The following NCKAP5 variants were observed in gnomAD, a reference collection of about 807,000 sequenced individuals.
NCKAP5 encodes NCK associated protein 5.
NCKAP5 carries 92 observed loss-of-function variants against 167.0 expected under a neutral mutation model. That is an observed-to-expected ratio of 0.55 (90% CI 0.47 to 0.66). NCKAP5 has a LOEUF of 0.66. Among genes scored for constraint, NCKAP5 ranks in the 30% least tolerant of loss-of-function variants. The probability of loss-of-function intolerance (pLI) is 0.00; values close to 1 mark genes in which losing one functional copy is unlikely to be tolerated. For missense variants in NCKAP5, 2,378 were observed against 2,315.0 expected (o/e 1.03, Z -0.56); for synonymous variants, 891 against 877.4 (o/e 1.02, Z -0.27).
intron 16 of NCKAP5, among the ~76,000 whole-genome samples, chr2:132,767,060 T>C (rs1191554870): frequency 6.6e-6 from 1 of 152,090 alleles, no homozygotes; most frequent in Non-Finnish European, 1.5e-5. Flanking sequence ...TTCCTAGCCT[T>C]AATGCAGGCT....
chr2:133,577,956 C>T, the NCKAP5 span, among the ~76,000 whole-genome samples: 1 of 152,188 alleles, frequency 6.6e-6, no homozygotes, highest in Non-Finnish European at 1.5e-5. Flanking sequence ...CCTAAGACGA[C>T]CCAGCTCCAG....
chr2:133,180,240 G>A (rs754342005), intron 5 of NCKAP5, among the ~76,000 whole-genome samples: 1 of 152,086 alleles, frequency 6.6e-6, no homozygotes, highest in Non-Finnish European at 1.5e-5. Context: ...TAATGAAGGA[G>A]AAATCAAGAC....
At chr2:133,145,951 T>G (rs1220197812) in intron 5 of NCKAP5, among the ~76,000 whole-genome samples, 1 of 152,146 alleles carries the variant, frequency 6.6e-6, no homozygotes, top group Non-Finnish European at 1.5e-5. Flanking sequence ...CTTTATTAAA[T>G]TAGACAGCCA....
chr2:133,284,000 CA>C (rs1403435510), intron 4 of NCKAP5, among the ~76,000 whole-genome samples: 1 of 152,052 alleles, frequency 6.6e-6, no homozygotes, highest in African/African-American at 2.4e-5. Flanking sequence ...GTGGCAGACT[CA>C]AGAACTTGTA....
chr2:133,243,861 A>G (rs1383623947), intron 4 of NCKAP5, among the ~76,000 whole-genome samples: 16 of 152,190 alleles, frequency 1.1e-4, no homozygotes. Flanking sequence ...TGTAATTCCC[A>G]TCACTTGTAA....
At chr2:133,339,884 T>A (rs1273323328) in intron 3 of NCKAP5, among the ~76,000 whole-genome samples, 3 of 152,192 alleles carry the variant, frequency 2.0e-5, no homozygotes, top group Non-Finnish European at 4.4e-5. Flanking sequence ...TAAAAGAACA[T>A]CAGTAGATAT....
At chr2:132,756,287 G>A (rs1356374796) in intron 16 of NCKAP5, among the ~76,000 whole-genome samples, 1 of 152,156 alleles carries the variant, frequency 6.6e-6, no homozygotes, top group African/African-American at 2.4e-5. Context: ...TCTCCCCACA[G>A]AGCCTTAGGA....
intron 3 of NCKAP5, among the ~76,000 whole-genome samples, chr2:133,343,451 G>T (rs934249775): frequency 1.3e-5 from 2 of 151,470 alleles, no homozygotes; most frequent in Non-Finnish European, 1.5e-5. Flanking sequence ...CCTGTGCTCA[G>T]AGCAGAGGAT....
chr2:133,110,702 G>A (rs1285944862), intron 6 of NCKAP5, among the ~76,000 whole-genome samples: 1 of 152,110 alleles, frequency 6.6e-6, no homozygotes, highest in Non-Finnish European at 1.5e-5. Flanking sequence ...TGAACCCAAG[G>A]AAGCGTGCCA....
chr2:133,442,468 G>A (rs987330436), intron 3 of NCKAP5, among the ~76,000 whole-genome samples: 15 of 152,288 alleles, frequency 9.8e-5, no homozygotes, highest in African/African-American at 3.6e-4. Flanking sequence ...CCGCACCAGG[G>A]GTTCTCAACT....
intron 4 of NCKAP5, among the ~76,000 whole-genome samples, chr2:133,218,005 G>A (rs1250511179): frequency 6.6e-6 from 1 of 152,126 alleles, no homozygotes; most frequent in Non-Finnish European, 1.5e-5. Flanking sequence ...TGAGGGGACT[G>A]TAGAACAGTA....
At chr2:133,520,509 A>T (rs979374252) in intron 2 of NCKAP5, among the ~76,000 whole-genome samples, 5 of 152,208 alleles carry the variant, frequency 3.3e-5, no homozygotes, top group African/African-American at 1.2e-4. Flanking sequence ...TAATGAGACA[A>T]GCCATTGAAA....
rs1234081931 is a variant in NCKAP5 at position 132,782,684 on chromosome 2, G to A, written c.4127C>T (p.Ser1376Phe). 1 of 1,613,772 alleles carries A rather than the reference G, an allele frequency of 6.2e-7. No individual in the cohort carries two copies. Among genetic ancestry groups the A allele is most frequent in the Non-Finnish European group, 8.5e-7 (1 of 1,179,858 alleles). The stretch of plus-strand genomic sequence containing the variant: ...TCCAGGTGGGATGAGGAGTCCCTCA[G>A]ACTTTGGAGGGATCCTCAAAGGCAA... ...SKLPLRIPPK[S>F]EGLLIPPGKE... The change falls in exon 14 of 20, where the codon TCT becomes TTT. Residue 1376 changes from serine to phenylalanine, a missense_variant. Around this residue, in one of 3 missense-constraint regions of NCKAP5, gnomAD observed 1,325 missense variants for 1,274.5 expected, o/e 1.04. Transcript: ENST00000409261.
intron 11 of NCKAP5, among the ~76,000 whole-genome samples, chr2:132,801,431 G>A (rs1015474198): frequency 1.3e-5 from 2 of 152,174 alleles, no homozygotes; most frequent in Admixed American, 1.3e-4. Context: ...GTACATAGGT[G>A]CACACACATG....
chr2:133,490,668 T>G (rs1191360119), intron 3 of NCKAP5, among the ~76,000 whole-genome samples: 1 of 152,124 alleles, frequency 6.6e-6, no homozygotes, highest in Non-Finnish European at 1.5e-5. Context: ...AGAAGCAAAG[T>G]CAAGTGAGGA....
chr2:132,877,571 G>T (rs770758655), intron 9 of NCKAP5, among the ~76,000 whole-genome samples: 32 of 152,164 alleles, frequency 2.1e-4, no homozygotes, highest in Admixed American at 2.6e-4. Flanking sequence ...GGCCCTAGGG[G>T]AGGCTGACGC....
chr2:133,553,923 G>T (rs1445240394), intron 2 of NCKAP5, among the ~76,000 whole-genome samples: 1 of 152,188 alleles, frequency 6.6e-6, no homozygotes, highest in Non-Finnish European at 1.5e-5. Context: ...TCTGAGCAGA[G>T]CTTAGCTGGA....
At chr2:133,099,628 T>C (rs750793520) in intron 6 of NCKAP5, among the ~76,000 whole-genome samples, 5 of 152,186 alleles carry the variant, frequency 3.3e-5, no homozygotes, top group Non-Finnish European at 7.3e-5. Flanking sequence ...GCCCCTAAAA[T>C]GCCTACCAAA....
chr2:133,250,514 C>A (rs943074170), intron 4 of NCKAP5, among the ~76,000 whole-genome samples: 3 of 152,200 alleles, frequency 2.0e-5, no homozygotes, highest in Non-Finnish European at 4.4e-5. Context: ...TGTGGAGGGC[C>A]AGCCGAGGGC....
Sources: gnomAD v4.1 joint callset for allele counts (sites outside exome capture counted in the v4.1 genomes callset) on GRCh38, gnomAD v4.1.1 for gene constraint, gnomAD v4.1.1 regional missense constraint, MANE v1.5 for transcripts, NCBI Gene and HGNC (gene_info 2026-07-23, HGNC 2026-07-21) for gene names.